The following JARID2 variants were observed in gnomAD, a reference collection of about 807,000 sequenced individuals.
JARID2 encodes protein Jumonji.
JARID2 carries 21 observed loss-of-function variants against 125.6 expected under a neutral mutation model. That is an observed-to-expected ratio of 0.17 (90% CI 0.12 to 0.24). The LOEUF (loss-of-function observed/expected upper bound fraction) is 0.24, where lower values mean the gene tolerates loss of function less well. Ranked by LOEUF, JARID2 falls within the 10% of genes least tolerant of loss-of-function variation. The pLI, the probability that JARID2 is intolerant of heterozygous loss-of-function variation, is 1.00. For synonymous variants in JARID2, 736 were observed against 661.6 expected, an observed-to-expected ratio of 1.11 and a Z score of -1.73; for missense variants, 1,303 against 1,639.6, an observed-to-expected ratio of 0.79 and a Z score of 3.55.
Position 15,283,414 on chromosome 6 carries a change from T to C in JARID2, c.45+36830T>C, listed in dbSNP as rs370695298. ...GGAGCACAATAGCGTGATCGCGGCT[T>C]ACTGCAAGCTCCACCTCCTGGGTTC... On this transcript the variant is annotated intron_variant, in intron 1 of 17. Transcript: ENST00000341776. Among the ~76,000 whole-genome samples the C allele has an allele frequency of 8.7e-4, 125 of 142,880 alleles. 5 individuals are homozygous for C. The highest frequency in any genetic ancestry group is 2.8e-3 in the African/African-American group (104 of 37,618). 93.7% of individuals were successfully genotyped at this position (142,880 alleles called of 152,430 possible). A position where few individuals can be genotyped will look rare whatever the true frequency, so the allele number is the denominator to read the frequency against.
chr6:15,334,269 T>A (rs1027166357), intron 1 of JARID2, among the ~76,000 whole-genome samples: 1 of 152,204 alleles, frequency 6.6e-6, no homozygotes, highest in South Asian at 2.1e-4. Context: ...GGAATAAAAT[T>A]TGACCTTGTA....
chr6:15,505,756 G>A lies in JARID2; in HGVS notation c.2541+1164G>A, dbSNP rs562515381. On this transcript the variant is annotated intron_variant, in intron 9 of 17. Coordinates refer to ENST00000341776, the MANE Select transcript of JARID2 (RefSeq NM_004973.4). ...CACCCGGCCTGTGGTCATGATTACC[G>A]TGCTGCAGCCGCCACTGCCTCACCC... is the stretch of plus-strand genomic sequence containing the variant. Among the ~76,000 whole-genome samples, 5 of 152,378 alleles carry A rather than the reference G, an allele frequency of 3.3e-5. No homozygotes were observed. In the East Asian group the frequency reaches 9.6e-4, roughly 29 times the overall value.
chr6:15,247,544 T>TC (rs1759230600), intron 1 of JARID2: 4 of 974,212 alleles, frequency 4.1e-6, no homozygotes, highest in South Asian at 4.7e-5. Flanking sequence ...TTTTTTTTTT[T>TC]CAAAAAAGGC....
At chr6:15,411,163 C>T (rs1021933782) in intron 3 of JARID2, among the ~76,000 whole-genome samples, 3 of 144,956 alleles carry the variant, frequency 2.1e-5, no homozygotes, top group Admixed American at 7.1e-5. Context: ...AGAATTTGTT[C>T]GTTTCCGGGA....
At chr6:15,429,486 G>A (rs900434822) in intron 3 of JARID2, among the ~76,000 whole-genome samples, 8 of 151,970 alleles carry the variant, frequency 5.3e-5, no homozygotes, top group African/African-American at 1.7e-4. Flanking sequence ...GGCTGGTTGC[G>A]AACTCCTGGT....
chr6:15,424,506 G>C (rs1420532122), intron 3 of JARID2, among the ~76,000 whole-genome samples: 1 of 152,132 alleles, frequency 6.6e-6, no homozygotes, highest in Non-Finnish European at 1.5e-5. Flanking sequence ...TGTCCCTGGG[G>C]GAGTCAGTTA....
chr6:15,410,525 A>G (rs1448782547), intron 3 of JARID2, among the ~76,000 whole-genome samples, 160 bp downstream of exon 3: 1 of 152,122 alleles, frequency 6.6e-6, no homozygotes, highest in African/African-American at 2.4e-5. Context: ...CCTGCTTTCT[A>G]AGTATTGTCT....
intron 1 of JARID2, among the ~76,000 whole-genome samples, chr6:15,319,985 G>C (rs887800893): frequency 1.3e-5 from 2 of 152,172 alleles, no homozygotes; most frequent in Non-Finnish European, 2.9e-5. Flanking sequence ...TCAGCCATAC[G>C]CTTGTTAGGG....
intron 1 of JARID2, among the ~76,000 whole-genome samples, chr6:15,249,165 A>G (rs1429493096): frequency 6.6e-6 from 1 of 152,218 alleles, no homozygotes; most frequent in South Asian, 2.1e-4. Context: ...AAGAAATGAA[A>G]GTATTCAGGG....
intron 4 of JARID2, among the ~76,000 whole-genome samples, chr6:15,459,098 TTCC>T (rs1052872207): frequency 6.6e-6 from 1 of 152,230 alleles, no homozygotes; most frequent in African/African-American, 2.4e-5. Context: ...CAGCCTGAGC[TTCC>T]TCATCTGCGA....
chr6:15,333,800 G>C (rs1284256990), intron 1 of JARID2, among the ~76,000 whole-genome samples: 1 of 152,280 alleles, frequency 6.6e-6, no homozygotes, highest in African/African-American at 2.4e-5. Flanking sequence ...GGGTGAAAGA[G>C]AATAGCATTA....
Position 15,494,411 on chromosome 6 carries a change from G to GTTTTT in JARID2, c.907-1720_907-1719insTTTTT, listed in dbSNP as rs1169733078. 2.2e-4 allele frequency among the ~76,000 whole-genome samples: 7 copies of GTTTTT among 32,352 alleles called. 1 individual carries two copies. Among genetic ancestry groups the GTTTTT allele is most frequent in the African/African-American group, 5.8e-4 (5 of 8,630 alleles). 21.2% of individuals were successfully genotyped at this position (32,352 alleles called of 152,430 possible). A position where few individuals can be genotyped will look rare whatever the true frequency, so the allele number is the denominator to read the frequency against. On this transcript the variant is annotated intron_variant, in intron 6 of 17. Transcript: ENST00000341776. ...CCACTGGTTTGGATGTTTTTGGCAA[G>GTTTTT]TCTTTTTTTTTTTTTTTTTTTTGAG...
At chr6:15,486,652 T>C (rs1769878422) in intron 5 of JARID2, among the ~76,000 whole-genome samples, 1 of 152,230 alleles carries the variant, frequency 6.6e-6, no homozygotes, top group Admixed American at 6.5e-5. Flanking sequence ...TTTTTGAATT[T>C]AGGAACAGAA....
At chr6:15,283,631 C>G (rs1050613099) in intron 1 of JARID2, among the ~76,000 whole-genome samples, 2 of 143,776 alleles carry the variant, frequency 1.4e-5, no homozygotes, top group Non-Finnish European at 3.1e-5. Flanking sequence ...CGTGAGCCAC[C>G]GTGCCCGGCC....
intron 1 of JARID2, among the ~76,000 whole-genome samples, chr6:15,335,044 G>A (rs1762832062): frequency 6.6e-6 from 1 of 152,052 alleles, no homozygotes; most frequent in Non-Finnish European, 1.5e-5. Flanking sequence ...TAGGTTTGTG[G>A]AACTGGAATG....
chr6:15,498,634 T>A (rs1770578806), intron 7 of JARID2, among the ~76,000 whole-genome samples: 2 of 152,226 alleles, frequency 1.3e-5, no homozygotes, highest in Admixed American at 6.5e-5. Context: ...TGTCAGGGAT[T>A]TGGCAGCAAG....
At chr6:15,407,676 A>G (rs1415370878) in intron 2 of JARID2, among the ~76,000 whole-genome samples, 1 of 152,100 alleles carries the variant, frequency 6.6e-6, no homozygotes, top group Non-Finnish European at 1.5e-5. Flanking sequence ...TTTTAGGCTT[A>G]CTGCAAATCC....
chr6:15,517,463 G>GC (rs375123328), intron 17 of JARID2, among the ~76,000 whole-genome samples, 195 bp downstream of exon 17: 30 of 152,304 alleles, frequency 2.0e-4, no homozygotes, highest in African/African-American at 7.2e-4. Context: ...CGGGGTTCCT[G>GC]CACGGGCATT....
intron 1 of JARID2, among the ~76,000 whole-genome samples, chr6:15,324,873 G>T (rs1269273326): frequency 1.3e-5 from 2 of 151,260 alleles, no homozygotes; most frequent in African/African-American, 4.8e-5. Context: ...AGAAAAGAAT[G>T]TCTTTTGTTG....
Sources: allele counts gnomAD v4.1 joint callset (sites outside exome capture counted in the v4.1 genomes callset), GRCh38; gene constraint gnomAD v4.1.1; transcripts MANE v1.5; gene names NCBI Gene and HGNC (gene_info 2026-07-23, HGNC 2026-07-21).